The following PTBP3 variants were observed in gnomAD, a reference collection of about 807,000 sequenced individuals.
The protein encoded by PTBP3 is polypyrimidine tract binding protein 3.
Under a neutral mutation model 58.7 loss-of-function variants are expected in PTBP3, and 20 were observed. That is an observed-to-expected ratio of 0.34 (90% confidence interval 0.24 to 0.50). The LOEUF (loss-of-function observed/expected upper bound fraction) is 0.50, where lower values mean the gene tolerates loss of function less well. Among genes scored for constraint, PTBP3 ranks in the 20% least tolerant of loss-of-function variants. The pLI is 0.98. For missense variants in PTBP3, 509 were observed against 637.2 expected (o/e 0.80, Z 2.17); for synonymous variants, 185 against 219.8 (o/e 0.84, Z 1.40).
At chr9:112,369,888 G>A in the PTBP3 span, among the ~76,000 whole-genome samples, 1 of 152,020 alleles carries the variant, frequency 6.6e-6, no homozygotes, top group Admixed American at 6.6e-5. Context: ...GAATCATAGG[G>A]GCCAGTTTTC....
At chr9:112,367,003 C>A in the PTBP3 span, among the ~76,000 whole-genome samples, 1 of 152,170 alleles carries the variant, frequency 6.6e-6, no homozygotes, top group African/African-American at 2.4e-5. Context: ...CATTTTGGAG[C>A]TTTAAGATTT....
At chr9:112,360,233 G>T in the PTBP3 span, among the ~76,000 whole-genome samples, 1 of 152,130 alleles carries the variant, frequency 6.6e-6, no homozygotes, top group East Asian at 1.9e-4. Context: ...GCCCAGGCTG[G>T]AGTGCAGTGA....
At chr9:112,319,185 C>T (rs1167372435) in intron 1 of PTBP3, among the ~76,000 whole-genome samples, 1 of 137,704 alleles carries the variant, frequency 7.3e-6, no homozygotes, top group South Asian at 2.4e-4. Flanking sequence ...AAAAAAAATA[C>T]TCAGAAATAA....
chr9:112,363,020 C>T, the PTBP3 span: 1 of 203,096 alleles, frequency 4.9e-6, no homozygotes, highest in South Asian at 8.0e-5. Flanking sequence ...CACAATGTGT[C>T]CTCTGGAACT....
intron 3 of PTBP3, among the ~76,000 whole-genome samples, chr9:112,273,628 G>C (rs985760699): frequency 2.6e-5 from 4 of 152,138 alleles, no homozygotes; most frequent in African/African-American, 4.8e-5. Flanking sequence ...CTTCCACTTA[G>C]AGTCCAGTAA....
intron 5 of PTBP3, among the ~76,000 whole-genome samples, chr9:112,254,246 G>A (rs1023867751): frequency 4.6e-5 from 7 of 152,026 alleles, no homozygotes; most frequent in Admixed American, 6.6e-5. Context: ...TTGGCCTTCC[G>A]AAGTGCTGGG....
At chr9:112,251,178 A>T in intron 6 of PTBP3, 75 bp from the exon 7 acceptor site, 1 of 1,241,826 alleles carries the variant, frequency 8.1e-7, no homozygotes, top group Non-Finnish European at 1.1e-6. Context: ...ACTTTGACAA[A>T]GAGTGGCAAT....
intron 1 of PTBP3, chr9:112,330,478 T>G (rs766708878): frequency 6.6e-7 from 1 of 1,523,400 alleles, no homozygotes; most frequent in Non-Finnish European, 9.0e-7. Flanking sequence ...AACAACACTG[T>G]ATGGAAAAAG....
chr9:112,350,698 T>C, the PTBP3 span, among the ~76,000 whole-genome samples: 1 of 152,352 alleles, frequency 6.6e-6, no homozygotes, highest in Non-Finnish European at 1.5e-5. Flanking sequence ...CTCTCTCTTT[T>C]GGCATAAACA....
intron 7 of PTBP3, among the ~76,000 whole-genome samples, chr9:112,247,105 G>C (rs1300874476): frequency 4.6e-5 from 7 of 151,950 alleles, no homozygotes; most frequent in Non-Finnish European, 1.0e-4. Context: ...ATGATGGTGA[G>C]TGACTGTAGT....
chr9:112,310,415 T>C (rs1256449865), intron 1 of PTBP3, among the ~76,000 whole-genome samples: 1 of 152,256 alleles, frequency 6.6e-6, no homozygotes, highest in African/African-American at 2.4e-5. Flanking sequence ...CAAAAAGACA[T>C]TCATTTGTAT....
rs139843754 is a variant in PTBP3 at position 112,308,718 on chromosome 9, CAT to C, written c.-51-10804_-51-10803del. Among the ~76,000 whole-genome samples the C allele has an allele frequency of 8.6e-3, 1,310 of 152,192 alleles. 23 individuals are homozygous for C. Among genetic ancestry groups the C allele is most frequent in the African/African-American group, 0.03 (1,249 of 41,530 alleles). On this transcript the variant is annotated intron_variant, in intron 1 of 13. Coordinates refer to ENST00000374257, the MANE Select transcript of PTBP3 (RefSeq NM_001163788.4). ...GGCCTTAACTAGCAAAATGTGAAGA[CAT>C]AGGGGAGTGGCGGGGCAGGTGCTGG...
the PTBP3 span, among the ~76,000 whole-genome samples, chr9:112,340,252 T>G: frequency 6.6e-6 from 1 of 152,232 alleles, no homozygotes; most frequent in Non-Finnish European, 1.5e-5. Flanking sequence ...CTTCCTTTTG[T>G]TTCTGAAACT....
rs899118133 is a variant in PTBP3 at position 112,227,583 on chromosome 9, G to A, written c.1192C>T (p.Arg398Cys). 6.2e-7 allele frequency: 1 copy of A among 1,613,906 alleles called. No individual in the cohort carries two copies. The highest frequency in any genetic ancestry group is 8.5e-7 in the Non-Finnish European group (1 of 1,179,888). The part of the protein sequence containing the change: ...SGQRLYGKVL[R>C]ATLSKHQAVQ... The stretch of plus-strand genomic sequence containing the variant: ...GCTTGATGTTTGGACAGTGTAGCAC[G>A]AAGCACTTTCCCATAAAGTCTCTGA... Residue 398 changes from arginine (R) to cysteine (C), a missense_variant, in exon 12 of 14, where the codon CGT becomes TGT. By Grantham distance (180) the Arg-to-Cys change is radical (BLOSUM62 -3). Coordinates refer to ENST00000374257, the MANE Select transcript of PTBP3 (RefSeq NM_001163788.4).
chr9:112,366,933 G>C, the PTBP3 span, among the ~76,000 whole-genome samples: 2 of 152,242 alleles, frequency 1.3e-5, no homozygotes, highest in African/African-American at 4.8e-5. Flanking sequence ...GCCCAGGACT[G>C]TGGGAACTCA....
the PTBP3 span, among the ~76,000 whole-genome samples, chr9:112,356,160 G>A: frequency 6.6e-6 from 1 of 151,578 alleles, no homozygotes; most frequent in Non-Finnish European, 1.5e-5. Context: ...TGTATTTTTA[G>A]TAGAAACAGG....
At chr9:112,323,127 G>T (rs1015091565) in intron 1 of PTBP3, among the ~76,000 whole-genome samples, 2 of 152,338 alleles carry the variant, frequency 1.3e-5, no homozygotes, top group Middle Eastern at 3.4e-3. Context: ...TGCCATGTCT[G>T]TGTAGCCCTA....
upstream of PTBP3, among the ~76,000 whole-genome samples, chr9:112,336,199 C>T (rs1023730686): frequency 1.4e-4 from 21 of 152,016 alleles, no homozygotes; most frequent in African/African-American, 4.8e-4. Context: ...ATAATTTAAC[C>T]TTTTCCAAAA....
At chr9:112,375,047 T>C in the PTBP3 span, among the ~76,000 whole-genome samples, 2 of 152,170 alleles carry the variant, frequency 1.3e-5, no homozygotes, top group African/African-American at 2.4e-5. Context: ...CCTGCCACCA[T>C]GGCCACTTTG....
Sources: allele counts gnomAD v4.1 joint callset (sites outside exome capture counted in the v4.1 genomes callset), GRCh38; gene constraint gnomAD v4.1.1; transcripts MANE v1.5; gene names NCBI Gene and HGNC (gene_info 2026-07-23, HGNC 2026-07-21).